The following RREB1 variants were observed in gnomAD, a reference collection of about 807,000 sequenced individuals.
RREB1 encodes ras responsive element binding protein 1, also known as ras-responsive element-binding protein 1.
RREB1 carries 27 observed loss-of-function variants against 117.8 expected under a neutral mutation model. That is an observed-to-expected ratio of 0.23 (90% CI 0.17 to 0.32). RREB1 has a LOEUF of 0.32. Ranked by LOEUF, RREB1 falls within the 10% of genes least tolerant of loss-of-function variation. The pLI is 1.00. For synonymous variants in RREB1, 1,298 were observed against 1,026.7 expected (o/e 1.26, Z -5.05); for missense variants, 2,577 against 2,378.2 (o/e 1.08, Z -1.74).
At chr6:7,133,473 G>A (rs749357361) in intron 1 of RREB1, among the ~76,000 whole-genome samples, 1 of 152,236 alleles carries the variant, frequency 6.6e-6, no homozygotes, top group Non-Finnish European at 1.5e-5. Flanking sequence ...GGAAGTCCCA[G>A]CCACTTGGGA....
intron 1 of RREB1, among the ~76,000 whole-genome samples, chr6:7,147,953 G>T (rs1389973768): frequency 6.6e-6 from 1 of 152,132 alleles, no homozygotes. Flanking sequence ...GGACACTGCT[G>T]GATTGCCAAT....
At chr6:7,211,546 G>T in intron 7 of RREB1, 27 bp from the exon 8 acceptor site, 3 of 1,612,644 alleles carry the variant, frequency 1.9e-6, no homozygotes, top group South Asian at 2.2e-5. Context: ...AGACCTTCAT[G>T]ACTTCACTTT....
intron 1 of RREB1, among the ~76,000 whole-genome samples, chr6:7,128,258 C>T (rs1321321476): frequency 2.0e-5 from 3 of 152,046 alleles, no homozygotes; most frequent in African/African-American, 7.2e-5. Context: ...GAATTGTTGG[C>T]GAACATTTTT....
At chr6:7,199,912 T>C (rs562396352) in intron 6 of RREB1, among the ~76,000 whole-genome samples, 25 of 152,208 alleles carry the variant, frequency 1.6e-4, no homozygotes, top group Non-Finnish European at 3.2e-4. Flanking sequence ...TTACTTTGCA[T>C]TTTAGAAATC....
chr6:7,235,935 C>G lies in RREB1; in HGVS notation c.3808+4028C>G, dbSNP rs1466014029. ...CCAGGAACTGTGTTTGATGAGGAAGCTGGCAGGGCTGTCATTTTTCATACC... is the reference window on the plus strand; with the variant it reads ...CCAGGAACTGTGTTTGATGAGGAAGGTGGCAGGGCTGTCATTTTTCATACC... On this transcript the variant is annotated intron_variant, in intron 10 of 12. Transcript: ENST00000379938. Among the ~76,000 whole-genome samples the G allele has an allele frequency of 7.2e-5, 11 of 152,316 alleles. No individual in the cohort carries two copies. In the East Asian group the frequency reaches 2.1e-3, roughly 29 times the overall value.
At position 7,203,049 on chromosome 6, in the gene RREB1, G is replaced by A. The variant is rs371402781; in HGVS notation, c.426-7755G>A. Reference sequence around the variant, plus strand: ...AGGCAAGGGAAAAAGACAAGCACAGGAGGATGTAGGGTGTTACTGATTCAA... The same window carrying A: ...AGGCAAGGGAAAAAGACAAGCACAGAAGGATGTAGGGTGTTACTGATTCAA... On this transcript the variant is annotated intron_variant, in intron 6 of 12. Coordinates refer to ENST00000379938, the MANE Select transcript of RREB1 (RefSeq NM_001003699.4). 7.2e-4 allele frequency among the ~76,000 whole-genome samples: 110 copies of A among 152,326 alleles called. 2 individuals are homozygous for A. In the South Asian group the frequency reaches 0.019, roughly 27 times the overall value.
chr6:7,220,378 T>A (rs1257566023), intron 8 of RREB1, among the ~76,000 whole-genome samples: 1 of 152,234 alleles, frequency 6.6e-6, no homozygotes, highest in Admixed American at 6.5e-5. Context: ...ATTCCGTGTG[T>A]AATCTAACCT....
chr6:7,120,205 G>T (rs1474104767), intron 1 of RREB1, among the ~76,000 whole-genome samples: 1 of 151,816 alleles, frequency 6.6e-6, no homozygotes, highest in Non-Finnish European at 1.5e-5. Flanking sequence ...CATCCCAGCA[G>T]TTTGGGAGGC....
chr6:7,125,369 C>T (rs907472696), intron 1 of RREB1, among the ~76,000 whole-genome samples: 3 of 152,118 alleles, frequency 2.0e-5, no homozygotes, highest in South Asian at 2.1e-4. Context: ...TGATCTTTTG[C>T]GTGGTGGGAA....
intron 11 of RREB1, among the ~76,000 whole-genome samples, chr6:7,243,855 T>C (rs1364385736): frequency 6.6e-6 from 1 of 151,836 alleles, no homozygotes; most frequent in Non-Finnish European, 1.5e-5. Context: ...TCATGTTAAA[T>C]ATGTTCTGTG....
At chr6:7,242,689 A>C (rs1041558823) in intron 11 of RREB1, among the ~76,000 whole-genome samples, 6 of 119,290 alleles carry the variant, frequency 5.0e-5, no homozygotes, top group Non-Finnish European at 1.0e-4. Context: ...AAGGAAGACC[A>C]CTTAAAAAAA....
chr6:7,211,646 A>G lies in RREB1; in HGVS notation c.644A>G (p.Lys215Arg), dbSNP rs766602318. 2.4e-5 allele frequency: 39 copies of G among 1,613,952 alleles called. No individual in the cohort carries two copies. Among genetic ancestry groups the G allele is most frequent in the Admixed American group, 8.3e-5 (5 of 60,002 alleles). ...GTCTTTCACTGCCCAGTATGTTTCA[A>G]GGAGTTTGTTTGCAAGTATGGACTG... is the stretch of plus-strand genomic sequence containing the variant. ...DEVFHCPVCF[K>R]EFVCKYGLET... The change falls in exon 8 of 13, where the codon AAG becomes AGG. Residue 215 changes from lysine (K) to arginine (R), a missense_variant. Physicochemically the swap from Lys to Arg is conservative, Grantham distance 26. Coordinates refer to ENST00000379938, the MANE Select transcript of RREB1 (RefSeq NM_001003699.4).
At chr6:7,161,546 C>T (rs1005941195) in intron 1 of RREB1, among the ~76,000 whole-genome samples, 7 of 152,202 alleles carry the variant, frequency 4.6e-5, no homozygotes, top group Non-Finnish European at 1.0e-4. Flanking sequence ...TTATGTTTCA[C>T]TGTGTTTCAT....
At position 7,123,462 on chromosome 6, in the gene RREB1, G is replaced by A. The variant is rs1380490793; in HGVS notation, c.-285+15402G>A. 4.7e-5 allele frequency among the ~76,000 whole-genome samples: 7 copies of A among 148,424 alleles called. No individual in the cohort carries two copies. In the South Asian group the frequency reaches 1.5e-3, roughly 32 times the overall value. On this transcript the variant is annotated intron_variant, in intron 1 of 12. Coordinates refer to ENST00000379938, the MANE Select transcript of RREB1 (RefSeq NM_001003699.4). ...CAGGCGTGAGCCACCACGCCTGGCC[G>A]AAAGTTGAACGTATTTTACATAAAG...
At chr6:7,128,195 T>C (rs1255619659) in intron 1 of RREB1, among the ~76,000 whole-genome samples, 2 of 152,200 alleles carry the variant, frequency 1.3e-5, no homozygotes, top group African/African-American at 4.8e-5. Flanking sequence ...ACAGAACACA[T>C]ACCTCAATCA....
At chr6:7,143,384 C>T (rs1762712422) in intron 1 of RREB1, among the ~76,000 whole-genome samples, 1 of 152,186 alleles carries the variant, frequency 6.6e-6, no homozygotes, top group Non-Finnish European at 1.5e-5. Flanking sequence ...GTCGTTCACT[C>T]CCTTGGTCTG....
rs4053178 is a variant in RREB1 at position 7,249,062 on chromosome 6, TGAGAGAGAGAGAGAGAGAGAGA to T, written c.*115_*136del. 42 of 568,322 alleles carry T rather than the reference TGAGAGAGAGAGAGAGAGAGAGA, an allele frequency of 7.4e-5. No homozygotes were observed. The highest frequency in any genetic ancestry group is 4.6e-4 in the Admixed American group (13 of 28,024). 35.2% of individuals were successfully genotyped at this position (568,322 alleles called of 1,614,324 possible). A position where few individuals can be genotyped will look rare whatever the true frequency, so the allele number is the denominator to read the frequency against. ...TCAGTGCCCTTTGGCTGTTGAGGAG[TGAGAGAGAGAGAGAGAGAGAGA>T]GAGAGAGAGAGAGAGAGAGACAAGC... On this transcript the variant is annotated 3_prime_UTR_variant, in exon 13 of 13. Coordinates refer to ENST00000379938, the MANE Select transcript of RREB1 (RefSeq NM_001003699.4).
intron 1 of RREB1, among the ~76,000 whole-genome samples, chr6:7,162,816 C>T (rs766877978): frequency 1.5e-4 from 23 of 151,794 alleles, no homozygotes; most frequent in African/African-American, 4.8e-4. Flanking sequence ...GTAGACTGCT[C>T]CCCTTTATTT....
rs2113113156 is a variant in RREB1, at chr6:7,230,455, G to A, written c.2356G>A (p.Gly786Ser). 6.3e-7 allele frequency: 1 copy of A among 1,593,126 alleles called. No homozygotes were observed. The highest frequency in any genetic ancestry group is 8.5e-7 in the Non-Finnish European group (1 of 1,176,368). The stretch of plus-strand genomic sequence containing the variant: ...CCGCGGCCTGGGCGGGGGCCACAAG[G>A]GCCGCAAGCCCTTCGAGTGCAAGGA... ...CGRGLGGGHK[G>S]RKPFECKECS... The change falls in exon 10 of 13, where the codon GGC becomes AGC. Residue 786 changes from glycine to serine, a missense_variant. By Grantham distance (56) the Gly-to-Ser change is moderately conservative (BLOSUM62 0). Coordinates refer to ENST00000379938, the MANE Select transcript of RREB1 (RefSeq NM_001003699.4).
Sources: gnomAD v4.1 joint callset for allele counts (sites outside exome capture counted in the v4.1 genomes callset) on GRCh38, gnomAD v4.1.1 for gene constraint, MANE v1.5 for transcripts, NCBI Gene and HGNC (gene_info 2026-07-23, HGNC 2026-07-21) for gene names.